INTS7: variants seen among roughly 807,000 people sequenced by gnomAD.
INTS7 encodes chromosome 1 open reading frame 73.
Under a neutral mutation model 109.2 loss-of-function variants are expected in INTS7, and 46 were observed. That is an observed-to-expected ratio of 0.42 (90% confidence interval 0.33 to 0.54). INTS7 has a LOEUF of 0.54. INTS7 is among the 20% of genes least tolerant of loss of function. The pLI, the probability that INTS7 is intolerant of heterozygous loss-of-function variation, is 0.07. For synonymous variants in INTS7, 412 were observed against 402.9 expected (o/e 1.02, Z -0.27); for missense variants, 929 against 1,132.4 (o/e 0.82, Z 2.58).
chr1:211,954,201 T>C (rs1384600025), intron 16 of INTS7, among the ~76,000 whole-genome samples: 1 of 152,270 alleles, frequency 6.6e-6, no homozygotes, highest in Non-Finnish European at 1.5e-5. Context: ...ATGTCTTCTT[T>C]TGAGAAGTGT....
chr1:211,975,522 CTCTG>C, intron 12 of INTS7, 150 bp from the exon 13 acceptor site: 1 of 619,716 alleles, frequency 1.6e-6, no homozygotes, highest in South Asian at 2.0e-5. Flanking sequence ...TTCGCTGAGA[CTCTG>C]TCTAAATATT....
At chr1:211,968,069 AAACAAT>A (rs1307357964) in intron 14 of INTS7, 88 bp from the exon 15 acceptor site, 11 of 626,038 alleles carry the variant, frequency 1.8e-5, no homozygotes, top group Non-Finnish European at 2.9e-5. Flanking sequence ...AAGCACCTTC[AAACAAT>A]AACAATTCAA....
intron 19 of INTS7, 118 bp downstream of exon 19, chr1:211,944,666 C>T: frequency 1.3e-6 from 1 of 789,704 alleles, no homozygotes; most frequent in Non-Finnish European, 2.1e-6. Context: ...AATTTATGTC[C>T]ATCTGATCCC....
rs184783200 is a variant in INTS7 at position 211,941,166 on chromosome 1, T to C, written c.*658A>G. The C allele has an allele frequency of 6.6e-6, 1 of 152,434 alleles. No individual in the cohort carries two copies. Among genetic ancestry groups the C allele is most frequent in the East Asian group, 1.9e-4 (1 of 5,190 alleles). The allele number at this position is 152,434 out of a possible 1,614,324, so 9.4% of individuals were successfully genotyped here. On this transcript the variant is annotated 3_prime_UTR_variant, in exon 20 of 20. Transcript: ENST00000366994. ...GTAGTGACTGGTCAGAACCTCCCAATGAACAACTCAGAATCCTAGGTCTAA... is the reference window on the plus strand; with the variant it reads ...GTAGTGACTGGTCAGAACCTCCCAACGAACAACTCAGAATCCTAGGTCTAA...
Position 211,968,709 on chromosome 1 carries a change from T to C in INTS7, c.1816-2A>G. ...AGGATTCAGTGGTGTACTAGCTGCCTGGGAAAAAAAAAAAAAAGAGATATT... is the reference window on the plus strand; with the variant it reads ...AGGATTCAGTGGTGTACTAGCTGCCCGGGAAAAAAAAAAAAAAGAGATATT... On this transcript the variant is annotated splice_acceptor_variant, in intron 13 of 19. Coordinates refer to ENST00000366994, the MANE Select transcript of INTS7 (RefSeq NM_015434.4). LOFTEE classifies it high-confidence loss of function. The C allele has an allele frequency of 6.7e-7, 1 of 1,494,412 alleles. No individual in the cohort carries two copies. Among genetic ancestry groups the C allele is most frequent in the Non-Finnish European group, 9.0e-7 (1 of 1,115,352 alleles). 92.6% of individuals were successfully genotyped at this position (1,494,412 alleles called of 1,614,324 possible).
intron 17 of INTS7, among the ~76,000 whole-genome samples, chr1:211,947,670 C>A (rs887847473): frequency 6.6e-6 from 1 of 152,126 alleles, no homozygotes; most frequent in East Asian, 1.9e-4. Flanking sequence ...GGGTCCCAGC[C>A]GCTTACAGGC....
At chr1:212,015,397 A>G (rs1666378594) in intron 4 of INTS7, among the ~76,000 whole-genome samples, 1 of 152,190 alleles carries the variant, frequency 6.6e-6, no homozygotes. Context: ...CTGTTAATCT[A>G]TAACCTTACC....
At chr1:212,018,637 AT>A (rs1295219627) in intron 3 of INTS7, among the ~76,000 whole-genome samples, 2 of 152,060 alleles carry the variant, frequency 1.3e-5, no homozygotes, top group Admixed American at 6.5e-5. Context: ...ATTCCTCTAG[AT>A]TTTTTTCTGA....
rs1041110640 is a variant in INTS7, at chr1:212,008,083, G to A, written c.557-634C>T. Among the ~76,000 whole-genome samples, 5 of 152,284 alleles carry A rather than the reference G, an allele frequency of 3.3e-5. No individual in the cohort carries two copies. The South Asian group carries it at 1.0e-3, about 32-fold the overall frequency. ...CTCAGTCGTAATGTACCACATACAT[G>A]CCACAAGCTAATTATACTCTGCGTA... On this transcript the variant is annotated intron_variant, in intron 5 of 19. Coordinates refer to ENST00000366994, the MANE Select transcript of INTS7 (RefSeq NM_015434.4).
chr1:212,027,106 G>A (rs192933534), intron 1 of INTS7, among the ~76,000 whole-genome samples: 1 of 152,194 alleles, frequency 6.6e-6, no homozygotes, highest in African/African-American at 2.4e-5. Context: ...ATTTTCTGAT[G>A]TAAGAGCCCT....
At chr1:211,966,352 AAT>A in intron 16 of INTS7, 76 bp downstream of exon 16, 1 of 836,466 alleles carries the variant, frequency 1.2e-6, no homozygotes, top group Non-Finnish European at 2.0e-6. Context: ...CTAGCTCCAA[AAT>A]AGTCTTCTGA....
Position 211,967,887 on chromosome 1 carries a change from T to A in INTS7, c.2105A>T (p.Asn702Ile). ...GGCAAGCTTGGGATACAGTTCAACA[T>A]TCCTCAAAGTTGCTGAGTCAGCATC... ...SFDADSATLR[N>I]VELQQQSCLL... The change falls in exon 15 of 20, where the codon AAT becomes ATT. Residue 702 changes from asparagine (N) to isoleucine (I), a missense_variant. Around this residue, in one of 2 missense-constraint regions of INTS7, gnomAD observed 787 missense variants for 901.1 expected, o/e 0.87. Coordinates refer to ENST00000366994, the MANE Select transcript of INTS7 (RefSeq NM_015434.4). 1 of 1,587,318 alleles carries A rather than the reference T, an allele frequency of 6.3e-7. No individual in the cohort carries two copies. Among genetic ancestry groups the A allele is most frequent in the Non-Finnish European group, 8.6e-7 (1 of 1,159,364 alleles).
rs774577005 is a variant in INTS7, at chr1:211,952,528, C to T, written c.2316+41G>A. 4.4e-6 allele frequency: 7 copies of T among 1,597,514 alleles called. No homozygotes were observed. The African/African-American group carries it at 8.1e-5, about 18-fold the overall frequency. On this transcript the variant is annotated intron_variant, in intron 17 of 19. Transcript: ENST00000366994. Reference sequence around the variant, plus strand: ...GTGCCATAAATGTATGAAAAACCCACATCCATACAATAAAAGCTCAATAAA... The same window carrying T: ...GTGCCATAAATGTATGAAAAACCCATATCCATACAATAAAAGCTCAATAAA...
At chr1:212,012,139 C>T (rs146943516) in intron 4 of INTS7, among the ~76,000 whole-genome samples, 15 of 152,252 alleles carry the variant, frequency 9.9e-5, no homozygotes, top group African/African-American at 3.6e-4. Flanking sequence ...ACAGTTGCCA[C>T]TAGGGGACAC....
At chr1:212,009,089 T>A (rs759021574) in intron 5 of INTS7, among the ~76,000 whole-genome samples, 1 of 152,072 alleles carries the variant, frequency 6.6e-6, no homozygotes, top group Non-Finnish European at 1.5e-5. Context: ...GGCTCGGAGA[T>A]TTTACTTGGC....
intron 17 of INTS7, among the ~76,000 whole-genome samples, chr1:211,948,095 T>C (rs764818751): frequency 2.0e-5 from 3 of 152,162 alleles, no homozygotes; most frequent in Non-Finnish European, 4.4e-5. Flanking sequence ...CACCATGTGG[T>C]ATGCTGTCTG....
intron 16 of INTS7, among the ~76,000 whole-genome samples, chr1:211,957,411 T>C (rs2102396167): frequency 6.6e-6 from 1 of 152,270 alleles, no homozygotes; most frequent in African/African-American, 2.4e-5. Flanking sequence ...CTGGGCATGG[T>C]GACGCATGTC....
At chr1:211,973,311 A>G (rs1664262184) in intron 13 of INTS7, among the ~76,000 whole-genome samples, 1 of 152,256 alleles carries the variant, frequency 6.6e-6, no homozygotes, top group Non-Finnish European at 1.5e-5. Flanking sequence ...TTAAGCCACT[A>G]AACTTGTAGT....
chr1:211,995,616 T>C (rs1665346775), intron 7 of INTS7, among the ~76,000 whole-genome samples: 1 of 152,242 alleles, frequency 6.6e-6, no homozygotes, highest in Non-Finnish European at 1.5e-5. Context: ...AAGACAGCCC[T>C]AATATTTTTT....
Sources: allele counts gnomAD v4.1 joint callset (sites outside exome capture counted in the v4.1 genomes callset), GRCh38; gene constraint gnomAD v4.1.1; regional missense constraint gnomAD v4.1.1; transcripts MANE v1.5; gene names NCBI Gene and HGNC (gene_info 2026-07-23, HGNC 2026-07-21).